Variants in SNX29 observed in about 807,000 individuals in gnomAD.
SNX29 encodes sorting nexin-29.
SNX29 carries 78 observed loss-of-function variants against 102.1 expected under a neutral mutation model. The observed-to-expected ratio is 0.76, with a 90% CI of 0.64 to 0.92. SNX29 has a LOEUF of 0.92. SNX29 is among the 40% of genes least tolerant of loss of function. The probability of loss-of-function intolerance (pLI) is 0.00; values close to 1 mark genes in which losing one functional copy is unlikely to be tolerated. For synonymous variants in SNX29, 580 were observed against 414.5 expected, an observed-to-expected ratio of 1.40 and a Z score of -4.85; for missense variants, 1,280 against 1,061.7, an observed-to-expected ratio of 1.21 and a Z score of -2.86.
intron 20 of SNX29, among the ~76,000 whole-genome samples, chr16:12,538,557 A>T (rs1033597895): frequency 2.0e-5 from 3 of 152,164 alleles, no homozygotes; most frequent in Non-Finnish European, 4.4e-5. Flanking sequence ...AGGAGGCTTA[A>T]CTGGTCTTAG....
chr16:12,542,193 C>G (rs950586410), intron 20 of SNX29, among the ~76,000 whole-genome samples: 1 of 152,162 alleles, frequency 6.6e-6, no homozygotes, highest in Non-Finnish European at 1.5e-5. Flanking sequence ...GCCTTTTCCA[C>G]ACAGGGTGTC....
chr16:12,545,656 C>G (rs898455251), intron 20 of SNX29: 15 of 152,220 alleles, frequency 9.9e-5, no homozygotes, highest in African/African-American at 2.9e-4. Flanking sequence ...ACACTATGGC[C>G]CTTCCCAGCT....
At chr16:12,025,202 T>G (rs1052211949) in intron 3 of SNX29, among the ~76,000 whole-genome samples, 3 of 147,732 alleles carry the variant, frequency 2.0e-5, no homozygotes, top group Non-Finnish European at 4.4e-5. Context: ...CATGGGAGGC[T>G]GAGGCAGGAG....
intron 19 of SNX29, among the ~76,000 whole-genome samples, chr16:12,518,474 A>G (rs1198575408): frequency 6.6e-6 from 1 of 152,012 alleles, no homozygotes. Context: ...CACCTTGACC[A>G]CCTGATGGCC....
chr16:12,193,040 G>T (rs1439767737), intron 13 of SNX29, among the ~76,000 whole-genome samples: 1 of 152,028 alleles, frequency 6.6e-6, no homozygotes, highest in African/African-American at 2.4e-5. Context: ...TTGCTGTATT[G>T]CCCAGGCTAG....
chr16:12,225,376 A>G (rs1207825078), intron 14 of SNX29, among the ~76,000 whole-genome samples: 1 of 152,114 alleles, frequency 6.6e-6, no homozygotes, highest in African/African-American at 2.4e-5. Flanking sequence ...GTGGGAGGTA[A>G]TAGAATCATG....
chr16:12,065,690 C>G (rs1427671005), intron 9 of SNX29, among the ~76,000 whole-genome samples: 1 of 152,140 alleles, frequency 6.6e-6, no homozygotes, highest in Non-Finnish European at 1.5e-5. Context: ...GTTGCGGTGG[C>G]TGGGCGGACA....
intron 14 of SNX29, among the ~76,000 whole-genome samples, chr16:12,228,945 C>T (rs1341184056): frequency 6.6e-6 from 1 of 152,250 alleles, no homozygotes; most frequent in Non-Finnish European, 1.5e-5. Flanking sequence ...AGTCTTCTGA[C>T]TCCTGCTGCT....
intron 15 of SNX29, among the ~76,000 whole-genome samples, chr16:12,344,584 TTTC>T (rs1182428627): frequency 1.3e-5 from 2 of 152,214 alleles, no homozygotes; most frequent in African/African-American, 4.8e-5. Context: ...TGAAGATAAG[TTTC>T]TTAAGAAGGA....
At chr16:12,456,078 A>G (rs2086526946) in intron 18 of SNX29, among the ~76,000 whole-genome samples, 1 of 152,348 alleles carries the variant, frequency 6.6e-6, no homozygotes, top group South Asian at 2.1e-4. Context: ...TTGTTCATTC[A>G]TTCATTCATA....
chr16:11,994,596 G>C (rs2055986983), intron 1 of SNX29, among the ~76,000 whole-genome samples: 1 of 152,322 alleles, frequency 6.6e-6, no homozygotes. Flanking sequence ...CTGAGTCACA[G>C]TGTTCTCTAC....
At chr16:12,361,784 G>A (rs1162128263) in intron 16 of SNX29, among the ~76,000 whole-genome samples, 1 of 151,802 alleles carries the variant, frequency 6.6e-6, no homozygotes, top group Non-Finnish European at 1.5e-5. Context: ...TTAGACTCAT[G>A]ACAAACCTTA....
chr16:12,486,623 C>G (rs542011495), intron 19 of SNX29, among the ~76,000 whole-genome samples: 2 of 152,202 alleles, frequency 1.3e-5, no homozygotes, highest in African/African-American at 4.8e-5. Context: ...ACAAGAAGGT[C>G]GGCTGTAGAG....
chr16:12,423,091 G>C (rs913276870), intron 18 of SNX29, among the ~76,000 whole-genome samples: 1 of 152,094 alleles, frequency 6.6e-6, no homozygotes, highest in African/African-American at 2.4e-5. Context: ...AGGTGAATAC[G>C]AGGTGATACC....
At position 12,434,650 on chromosome 16, in the gene SNX29, A is replaced by T. The variant is rs561131556; in HGVS notation, c.2037+31121A>T. 5.9e-5 allele frequency among the ~76,000 whole-genome samples: 9 copies of T among 152,066 alleles called. No individual in the cohort carries two copies. In the South Asian group the frequency reaches 1.7e-3, roughly 28 times the overall value. ...AAGACAGTTCCTCCAAGTGCTAGGG[A>T]CCCGCCAACACCCCTGCACAACGGC... On this transcript the variant is annotated intron_variant, in intron 18 of 20. Transcript: ENST00000566228.
chr16:12,330,027 C>G (rs1373522785), intron 15 of SNX29, among the ~76,000 whole-genome samples: 1 of 152,200 alleles, frequency 6.6e-6, no homozygotes, highest in East Asian at 1.9e-4. Flanking sequence ...ATCTCTGAAC[C>G]TCATTTTCCC....
In SNX29 at chr16:12,187,546, T is replaced by TA. The variant is rs759490798; in HGVS notation, c.1596-12039dup. ...CTGGGTGACAGAGTGAGACTCTGTT[T>TA]AAAAAAAAAAAAAAAATCCAGGATA... On this transcript the variant is annotated intron_variant, in intron 13 of 20. Coordinates refer to ENST00000566228, the MANE Select transcript of SNX29 (RefSeq NM_032167.5). 5.2e-3 allele frequency among the ~76,000 whole-genome samples: 733 copies of TA among 141,946 alleles called. 2 individuals carry two copies. Among genetic ancestry groups the TA allele is most frequent in the African/African-American group, 0.011 (440 of 38,766 alleles). The allele number at this position is 141,946 out of a possible 152,430, so 93.1% of individuals were successfully genotyped here.
At chr16:12,540,907 C>T (rs1794308) in intron 20 of SNX29, among the ~76,000 whole-genome samples, 2 of 152,266 alleles carry the variant, frequency 1.3e-5, no homozygotes, top group South Asian at 4.1e-4. Flanking sequence ...GCTTCTCTGA[C>T]AGCCCTGTCT....
At chr16:12,156,939 G>C (rs991138665) in intron 13 of SNX29, among the ~76,000 whole-genome samples, 1 of 152,204 alleles carries the variant, frequency 6.6e-6, no homozygotes, top group Non-Finnish European at 1.5e-5. Context: ...TGGCTGGGCA[G>C]GGAGGCCCCT....
Sources: gnomAD v4.1 joint callset for allele counts (sites outside exome capture counted in the v4.1 genomes callset) on GRCh38, gnomAD v4.1.1 for gene constraint, MANE v1.5 for transcripts, NCBI Gene and HGNC (gene_info 2026-07-23, HGNC 2026-07-21) for gene names.